SGSM3: variants seen among roughly 807,000 people sequenced by gnomAD.
SGSM3 encodes the protein small G protein signaling modulator 3, also known as RUN and SH3 containing 3.
SGSM3 carries 96 observed loss-of-function variants against 100.5 expected under a neutral mutation model. The observed-to-expected ratio is 0.96, with a 90% CI of 0.81 to 1.13. The LOEUF (loss-of-function observed/expected upper bound fraction) is 1.13, where lower values mean the gene tolerates loss of function less well. SGSM3 is among the 50% of genes most tolerant of loss of function. The probability of loss-of-function intolerance (pLI) is 0.00; values close to 1 mark genes in which losing one functional copy is unlikely to be tolerated. For synonymous variants in SGSM3, 483 were observed against 422.8 expected (o/e 1.14, Z -1.75); for missense variants, 1,001 against 1,015.8 (o/e 0.99, Z 0.20).
At chr22:40,387,949 A>G (rs1256957166) in intron 1 of SGSM3, among the ~76,000 whole-genome samples, 2 of 152,198 alleles carry the variant, frequency 1.3e-5, no homozygotes, top group African/African-American at 4.8e-5. Context: ...GCTGAATTCT[A>G]GGGTGAGGTT....
chr22:40,376,769 CT>C (rs2046694627), intron 1 of SGSM3, among the ~76,000 whole-genome samples: 1 of 151,898 alleles, frequency 6.6e-6, no homozygotes, highest in Admixed American at 6.6e-5. Flanking sequence ...TAATCTCCAC[CT>C]TCATAGTTTT....
At chr22:40,398,338 C>T (rs755230629) in intron 1 of SGSM3, among the ~76,000 whole-genome samples, 2 of 141,002 alleles carry the variant, frequency 1.4e-5, no homozygotes, top group Non-Finnish European at 3.1e-5. Context: ...TTAGAAGCTG[C>T]CTGGCTCTTA....
rs1245223429 is a variant in SGSM3 at position 40,409,727 on chromosome 22, C to T, written c.2218C>T (p.His740Tyr). The T allele has an allele frequency of 1.2e-6, 2 of 1,611,758 alleles. No homozygotes were observed. Among genetic ancestry groups the T allele is most frequent in the East Asian group, 2.2e-5 (1 of 44,872 alleles). Residue 740 changes from histidine to tyrosine, a missense_variant, in exon 22 of 22, where the codon CAC becomes TAC. His to Tyr is a moderately conservative substitution (Grantham distance 83, BLOSUM62 2). Coordinates refer to ENST00000248929, the MANE Select transcript of SGSM3 (RefSeq NM_015705.6). ...GGGCGTCCGGGACATGCTGGTGAAG[C>T]ACCACCTCTTCAGCTGGGATGTGGA... Reference protein sequence around the residue: ...KEGVRDMLVKHHLFSWDVDG With the variant: ...KEGVRDMLVKYHLFSWDVDG
intron 1 of SGSM3, among the ~76,000 whole-genome samples, chr22:40,389,819 G>A (rs928290125): frequency 1.3e-5 from 2 of 150,270 alleles, no homozygotes; most frequent in African/African-American, 4.9e-5. Context: ...CAGGAGAATT[G>A]CCTGAACCTG....
intron 1 of SGSM3, 106 bp from the exon 2 acceptor site, chr22:40,400,590 C>A: frequency 2.3e-6 from 1 of 441,076 alleles, no homozygotes. Flanking sequence ...TTGCAGTGAG[C>A]TGAGATTGCA....
intron 1 of SGSM3, among the ~76,000 whole-genome samples, chr22:40,376,870 A>T (rs1020630660): frequency 6.6e-6 from 1 of 152,202 alleles, no homozygotes; most frequent in East Asian, 1.9e-4. Context: ...ACAAGCATTT[A>T]CGGTATTAAG....
intron 1 of SGSM3, among the ~76,000 whole-genome samples, chr22:40,381,357 G>A (rs757294703): frequency 3.2e-4 from 48 of 151,960 alleles, no homozygotes; most frequent in Non-Finnish European, 1.5e-4. Context: ...CTATGTTGCC[G>A]AGGCTGGTCT....
chr22:40,391,938 G>A (rs148485551), intron 1 of SGSM3, among the ~76,000 whole-genome samples: 12 of 152,296 alleles, frequency 7.9e-5, no homozygotes, highest in Non-Finnish European at 8.8e-5. Flanking sequence ...CTCAGGAGAC[G>A]TGGGGGTATA....
At chr22:40,383,040 T>C (rs1363603973) in intron 1 of SGSM3, among the ~76,000 whole-genome samples, 1 of 152,180 alleles carries the variant, frequency 6.6e-6, no homozygotes, top group Non-Finnish European at 1.5e-5. Context: ...ATTAAATATC[T>C]CATGAAACAG....
intron 15 of SGSM3, 69 bp from the exon 16 acceptor site, chr22:40,408,208 A>G (rs2051925781): frequency 1.9e-6 from 3 of 1,606,022 alleles, no homozygotes; most frequent in Admixed American, 3.3e-5. Context: ...AGCATGGCAG[A>G]GAGGACAGAG....
At chr22:40,387,324 G>A in intron 1 of SGSM3, 1 of 397,358 alleles carries the variant, frequency 2.5e-6, no homozygotes. Flanking sequence ...TTAGGGTAAT[G>A]TTATGTAGGT....
Position 40,401,661 on chromosome 22 carries a change from GC to G in SGSM3, c.78del (p.Lys27SerfsTer41). 6.2e-7 allele frequency: 1 copy of G among 1,613,000 alleles called. No individual in the cohort carries two copies. ...GAGCATATGGCCCCAGGAGATCTTG[GC>G]CAAGTACACGCAGGTATAGCAGTTA... Reference protein sequence around the residue: ...TPSIWPQEILAKYTQKEESAE... With the variant: ...TPSIWPQEILXKYTQKEESAE... On this transcript the variant is annotated frameshift_variant, in exon 3 of 22. Transcript: ENST00000248929. LOFTEE classifies it high-confidence loss of function.
In SGSM3 at chr22:40,392,867, A is replaced by G. The variant is rs145935490; in HGVS notation, c.-111-7829A>G. Among the ~76,000 whole-genome samples the G allele has an allele frequency of 4.3e-4, 66 of 152,216 alleles. 2 individuals carry two copies. The East Asian group carries it at 0.013, about 29-fold the overall frequency. On this transcript the variant is annotated intron_variant, in intron 1 of 21. Coordinates refer to ENST00000248929, the MANE Select transcript of SGSM3 (RefSeq NM_015705.6). The stretch of plus-strand genomic sequence containing the variant: ...GCCCTTCCCTCAGCCCCTGGCAACC[A>G]TTCATCTACTTTCAGTCTTTATGGA...
chr22:40,384,471 A>T (rs866102089), intron 1 of SGSM3, among the ~76,000 whole-genome samples: 33 of 151,618 alleles, frequency 2.2e-4, no homozygotes, highest in South Asian at 1.5e-3. Flanking sequence ...AACAAAAATT[A>T]AAAAAAAATT....
intron 1 of SGSM3, among the ~76,000 whole-genome samples, chr22:40,387,664 G>C (rs2146859420): frequency 6.6e-6 from 1 of 152,246 alleles, no homozygotes; most frequent in South Asian, 2.1e-4. Context: ...TTCTACTTCT[G>C]GGGGAGGTGG....
chr22:40,403,873 G>A (rs916059784), intron 4 of SGSM3, among the ~76,000 whole-genome samples: 4 of 152,178 alleles, frequency 2.6e-5, no homozygotes, highest in African/African-American at 9.7e-5. Flanking sequence ...CATGGTCAGG[G>A]GTGGTGAGAC....
Position 40,409,830 on chromosome 22 carries a change from G to A in SGSM3, c.*71G>A. On this transcript the variant is annotated 3_prime_UTR_variant, in exon 22 of 22. Coordinates refer to ENST00000248929, the MANE Select transcript of SGSM3 (RefSeq NM_015705.6). ...CAGGACCCCAAGCTGCAGAGCCCAG[G>A]GAAGAGCAGCTCCAGAGCCCTGGCC... 2 of 1,552,536 alleles carry A rather than the reference G, an allele frequency of 1.3e-6. No homozygotes were observed. The highest frequency in any genetic ancestry group is 1.7e-6 in the Non-Finnish European group (2 of 1,156,248).
In SGSM3 at chr22:40,392,303, C is replaced by CT. The variant is rs985894644; in HGVS notation, c.-111-8380dup. 3.2e-3 allele frequency among the ~76,000 whole-genome samples: 440 copies of CT among 139,474 alleles called. 2 individuals carry two copies. The highest frequency in any genetic ancestry group is 5.9e-3 in the Admixed American group (82 of 13,860). The allele number at this position is 139,474 out of a possible 152,430, so 91.5% of individuals were successfully genotyped here. A position where few individuals can be genotyped will look rare whatever the true frequency, so the allele number is the denominator to read the frequency against. On this transcript the variant is annotated intron_variant, in intron 1 of 21. Coordinates refer to ENST00000248929, the MANE Select transcript of SGSM3 (RefSeq NM_015705.6). ...TTAGAGGAACTTGAAAAATTACAGGCTTTTTTTTTTTTTCAGCAGCTTAGG... is the reference window on the plus strand; with the variant it reads ...TTAGAGGAACTTGAAAAATTACAGGCTTTTTTTTTTTTTTCAGCAGCTTAGG...
At chr22:40,389,128 T>C (rs974312486) in intron 1 of SGSM3, among the ~76,000 whole-genome samples, 1 of 151,994 alleles carries the variant, frequency 6.6e-6, no homozygotes, top group East Asian at 1.9e-4. Flanking sequence ...GGCGCAACAT[T>C]AAGGCATCTG....
Sources: gnomAD v4.1 joint callset for allele counts (sites outside exome capture counted in the v4.1 genomes callset) on GRCh38, gnomAD v4.1.1 for gene constraint, MANE v1.5 for transcripts, NCBI Gene and HGNC (gene_info 2026-07-23, HGNC 2026-07-21) for gene names.